The following TRIM24 variants were observed in gnomAD, a reference collection of about 807,000 sequenced individuals.
The protein encoded by TRIM24 is tripartite motif containing 24.
TRIM24 carries 29 observed loss-of-function variants against 123.9 expected under a neutral mutation model. That is an observed-to-expected ratio of 0.23 (90% CI 0.17 to 0.32). The LOEUF (loss-of-function observed/expected upper bound fraction) is 0.32, where lower values mean the gene tolerates loss of function less well. Among genes scored for constraint, TRIM24 ranks in the 10% least tolerant of loss-of-function variants. TRIM24 has a pLI of 1.00. For missense variants in TRIM24, 932 were observed against 1,295.3 expected (o/e 0.72, Z 4.31); for synonymous variants, 456 against 461.1 (o/e 0.99, Z 0.14).
In TRIM24 at chr7:138,537,384, T is replaced by TG. The variant is rs1197178337; in HGVS notation, c.997-1273_997-1272insG. ...CTCCTCCGCCACCCCTGTTTGTTTT[T>TG]TTTTTTTTTTTTTTTTTTTTTTTTG... On this transcript the variant is annotated intron_variant, in intron 6 of 18. Coordinates refer to ENST00000343526, the MANE Select transcript of TRIM24 (RefSeq NM_015905.3). Among the ~76,000 whole-genome samples the TG allele has an allele frequency of 3.2e-4, 40 of 124,166 alleles. No homozygotes were observed. The East Asian group carries it at 7.4e-3, about 23-fold the overall frequency. The allele number at this position is 124,166 out of a possible 152,430, so 81.5% of individuals were successfully genotyped here.
intron 2 of TRIM24, among the ~76,000 whole-genome samples, chr7:138,509,172 C>T (rs1796230853): frequency 1.3e-5 from 2 of 151,922 alleles, no homozygotes; most frequent in East Asian, 3.9e-4. Context: ...TGATCTCAAA[C>T]TCCTAACCTC....
At chr7:138,474,293 T>A (rs943845974) in intron 1 of TRIM24, among the ~76,000 whole-genome samples, 9 of 151,878 alleles carry the variant, frequency 5.9e-5, no homozygotes, top group Non-Finnish European at 1.2e-4. Flanking sequence ...GCCCAGCTAA[T>A]TTTTTGTATT....
intron 2 of TRIM24, chr7:138,514,602 C>T (rs1796358767): frequency 6.6e-6 from 1 of 152,220 alleles, no homozygotes; most frequent in Admixed American, 6.5e-5. Context: ...AATCCCTCCT[C>T]ATGCTTTCCC....
At chr7:138,529,624 T>G (rs1333402032) in intron 6 of TRIM24, among the ~76,000 whole-genome samples, 1 of 152,176 alleles carries the variant, frequency 6.6e-6, no homozygotes, top group Non-Finnish European at 1.5e-5. Context: ...TTTAACCCTG[T>G]GAGAAGTTAG....
At chr7:138,584,584 T>C (rs1797973828) in intron 18 of TRIM24, among the ~76,000 whole-genome samples, 158 bp from the exon 19 acceptor site, 2 of 152,238 alleles carry the variant, frequency 1.3e-5, no homozygotes, top group South Asian at 4.1e-4. Flanking sequence ...TCTGAATCTT[T>C]TATTTTAGCT....
chr7:138,545,254 C>T (rs1797079144), intron 7 of TRIM24, among the ~76,000 whole-genome samples: 1 of 151,998 alleles, frequency 6.6e-6, no homozygotes, highest in Admixed American at 6.6e-5. Context: ...CGTGGAGGCA[C>T]CAGCATGGTG....
Position 138,544,125 on chromosome 7 carries a change from T to TCTC in TRIM24, c.1143+5323_1143+5325dup, listed in dbSNP as rs1462107841. On this transcript the variant is annotated intron_variant, in intron 7 of 18. Coordinates refer to ENST00000343526, the MANE Select transcript of TRIM24 (RefSeq NM_015905.3). The stretch of plus-strand genomic sequence containing the variant: ...TGTAGTTCTTACTCTGTACATTAAA[T>TCTC]CTCAATGCTTATTCATTCTACCTAC... Among the ~76,000 whole-genome samples, 5 of 152,190 alleles carry TCTC rather than the reference T, an allele frequency of 3.3e-5. No individual in the cohort carries two copies. In the East Asian group the frequency reaches 7.7e-4, roughly 23 times the overall value.
At chr7:138,548,467 A>G (rs2116625808) in intron 7 of TRIM24, among the ~76,000 whole-genome samples, 1 of 152,206 alleles carries the variant, frequency 6.6e-6, no homozygotes, top group East Asian at 1.9e-4. Context: ...TTTACCATGA[A>G]TGGAGCTTGC....
intron 6 of TRIM24, among the ~76,000 whole-genome samples, chr7:138,532,886 T>C (rs200635707): frequency 1.3e-5 from 2 of 152,092 alleles, no homozygotes; most frequent in African/African-American, 2.4e-5. Context: ...TCTTTTATTT[T>C]GTTGAGCAGT....
chr7:138,555,806 T>A (rs1797304574), intron 9 of TRIM24, among the ~76,000 whole-genome samples: 1 of 152,150 alleles, frequency 6.6e-6, no homozygotes, highest in Admixed American at 6.5e-5. Flanking sequence ...TTAAGTTGCT[T>A]CCCCTGTCAC....
intron 1 of TRIM24, 115 bp downstream of exon 1, chr7:138,461,027 G>T (rs889785195): frequency 1.9e-6 from 2 of 1,027,462 alleles, no homozygotes; most frequent in African/African-American, 3.4e-5. Flanking sequence ...CGCGGCGGGG[G>T]AGGGGCGAGC....
chr7:138,559,396 G>A (rs942896856), intron 9 of TRIM24, among the ~76,000 whole-genome samples: 1 of 152,162 alleles, frequency 6.6e-6, no homozygotes, highest in African/African-American at 2.4e-5. Flanking sequence ...ACCCAGCAGG[G>A]ACAAAAGAGG....
At chr7:138,501,062 T>C (rs1796028455) in intron 1 of TRIM24, among the ~76,000 whole-genome samples, 2 of 151,894 alleles carry the variant, frequency 1.3e-5, no homozygotes, top group African/African-American at 4.8e-5. Context: ...GAGTGATGAG[T>C]GCATATGAAG....
intron 16 of TRIM24, among the ~76,000 whole-genome samples, chr7:138,581,180 A>G (rs1437581974): frequency 1.3e-5 from 2 of 152,172 alleles, no homozygotes; most frequent in Admixed American, 1.3e-4. Flanking sequence ...CTCCTTTGCT[A>G]AATTATTAAG....
intron 1 of TRIM24, among the ~76,000 whole-genome samples, chr7:138,492,107 A>G (rs576563539): frequency 7.2e-5 from 11 of 151,784 alleles, no homozygotes; most frequent in African/African-American, 1.2e-4. Context: ...CTCTACAACA[A>G]TGTAAGTAAA....
intron 17 of TRIM24, among the ~76,000 whole-genome samples, chr7:138,582,735 TTTCA>T (rs1326290512): frequency 2.6e-5 from 4 of 152,144 alleles, no homozygotes; most frequent in Non-Finnish European, 4.4e-5. Flanking sequence ...AAAAATTTTT[TTTCA>T]TTTGTTCTAC....
In TRIM24 at chr7:138,576,169, C is replaced by T. The variant is rs142791356; in HGVS notation, c.2015-204C>T. The stretch of plus-strand genomic sequence containing the variant: ...CTCCACAACAAGGAATTATCTGGCC[C>T]AAAAGTCAATAGTGCAGAGGCTGAA... On this transcript the variant is annotated intron_variant, in intron 12 of 18. Transcript: ENST00000343526. Among the ~76,000 whole-genome samples the T allele has an allele frequency of 2.5e-4, 38 of 152,216 alleles. No homozygotes were observed. In the East Asian group the frequency reaches 7.2e-3, roughly 29 times the overall value.
chr7:138,527,276 T>C (rs968224855), intron 5 of TRIM24, among the ~76,000 whole-genome samples: 2 of 152,250 alleles, frequency 1.3e-5, no homozygotes, highest in African/African-American at 4.8e-5. Context: ...TATAAATGAT[T>C]TGTGCTTTTT....
Position 138,500,719 on chromosome 7 carries a change from A to C in TRIM24, c.365-3571A>C, listed in dbSNP as rs574971501. On this transcript the variant is annotated intron_variant, in intron 1 of 18. Transcript: ENST00000343526. Reference sequence around the variant, plus strand: ...TGAGACCCAGTCTGTACATTAAAAAAAAAAAATTATCCAGGCATGGTGGTG... The same window carrying C: ...TGAGACCCAGTCTGTACATTAAAAACAAAAAATTATCCAGGCATGGTGGTG... 1.1e-4 allele frequency among the ~76,000 whole-genome samples: 17 copies of C among 152,138 alleles called. 1 individual carries two copies. In the South Asian group the frequency reaches 3.5e-3, roughly 32 times the overall value.
Sources: gnomAD v4.1 joint callset for allele counts (sites outside exome capture counted in the v4.1 genomes callset) on GRCh38, gnomAD v4.1.1 for gene constraint, MANE v1.5 for transcripts, NCBI Gene and HGNC (gene_info 2026-07-23, HGNC 2026-07-21) for gene names.